The following NRG1 variants were observed in gnomAD, a reference collection of about 807,000 sequenced individuals.
The protein encoded by NRG1 is pro-neuregulin-1, membrane-bound isoform.
Under a neutral mutation model 63.8 loss-of-function variants are expected in NRG1, and 18 were observed. The observed-to-expected ratio is 0.28, with a 90% CI of 0.19 to 0.42. NRG1 has a LOEUF of 0.42. NRG1 is among the 10% of genes least tolerant of loss of function. The pLI is 1.00. For missense variants in NRG1, 762 were observed against 814.7 expected, an observed-to-expected ratio of 0.94 and a Z score of 0.79; for synonymous variants, 302 against 301.3, an observed-to-expected ratio of 1.00 and a Z score of -0.02.
At chr8:32,161,420 A>G (rs890060343) in intron 1 of NRG1, among the ~76,000 whole-genome samples, 1 of 152,216 alleles carries the variant, frequency 6.6e-6, no homozygotes, top group Non-Finnish European at 1.5e-5. Context: ...AGAGCTACTC[A>G]TAAACCTGAA....
chr8:32,640,245 T>TCTCACACA (rs141612874), intron 5 of NRG1, among the ~76,000 whole-genome samples: 27 of 147,648 alleles, frequency 1.8e-4, no homozygotes, highest in Middle Eastern at 3.5e-3. Flanking sequence ...CTTCTTTTTG[T>TCTCACACA]CACACACACA....
chr8:31,911,463 C>T (rs1288305656), intron 1 of NRG1, among the ~76,000 whole-genome samples: 2 of 152,114 alleles, frequency 1.3e-5, no homozygotes, highest in Admixed American at 6.5e-5. Flanking sequence ...AGGCCATTGA[C>T]CTTACCAAAC....
chr8:32,342,715 T>C (rs989500374), intron 1 of NRG1, among the ~76,000 whole-genome samples: 3 of 152,368 alleles, frequency 2.0e-5, no homozygotes, highest in Admixed American at 2.0e-4. Context: ...TGGTGCATAT[T>C]AGAAAGATTT....
At chr8:32,332,500 G>A (rs1009409418) in intron 1 of NRG1, among the ~76,000 whole-genome samples, 6 of 152,012 alleles carry the variant, frequency 3.9e-5, no homozygotes, top group Non-Finnish European at 7.4e-5. Context: ...CATCAATTAG[G>A]ATACACCATT....
intron 1 of NRG1, among the ~76,000 whole-genome samples, chr8:31,983,409 A>C (rs1809503350): frequency 6.6e-6 from 1 of 151,942 alleles, no homozygotes; most frequent in Non-Finnish European, 1.5e-5. Flanking sequence ...ACAGGATCTC[A>C]CTCTGTTGCC....
intron 1 of NRG1, among the ~76,000 whole-genome samples, chr8:31,782,284 CACTT>C (rs1302640366): frequency 6.6e-6 from 1 of 152,104 alleles, no homozygotes; most frequent in Non-Finnish European, 1.5e-5. Context: ...GTGCAGGTCT[CACTT>C]CCTTACTTCC....
At chr8:32,594,961 C>T (rs117475754) in intron 1 of NRG1, among the ~76,000 whole-genome samples, 328 of 152,270 alleles carry the variant, frequency 2.2e-3, no homozygotes, top group Non-Finnish European at 3.9e-3. Flanking sequence ...CTTTGGTCCC[C>T]TCTGATGACA....
intron 1 of NRG1, among the ~76,000 whole-genome samples, chr8:32,356,871 C>A (rs928419763): frequency 6.6e-6 from 1 of 152,162 alleles, no homozygotes; most frequent in African/African-American, 2.4e-5. Context: ...ACTCTTTCAA[C>A]ATCTAAGGAA....
intron 1 of NRG1, among the ~76,000 whole-genome samples, chr8:32,528,253 T>C (rs1299294078): frequency 6.6e-6 from 1 of 152,254 alleles, no homozygotes; most frequent in Non-Finnish European, 1.5e-5. Context: ...TGTTGTTATA[T>C]GTCTAGTTAC....
intron 1 of NRG1, among the ~76,000 whole-genome samples, chr8:31,989,253 C>CAAAAAAAAAAAAAAAAAAAAAAAAA (rs10692906): frequency 7.4e-4 from 35 of 47,520 alleles, no homozygotes; most frequent in East Asian, 1.7e-3. Flanking sequence ...GACTCTGTCT[C>CAAAAAAAAAAAAAAAAAAAAAAAAA]AAAAAAAAAA....
chr8:32,156,055 G>T (rs1838026813), intron 1 of NRG1, among the ~76,000 whole-genome samples: 1 of 152,112 alleles, frequency 6.6e-6, no homozygotes, highest in Non-Finnish European at 1.5e-5. Context: ...CTTTCTTCTG[G>T]TCTTAAAGAC....
chr8:32,096,487 A>T (rs1432578481), intron 1 of NRG1, among the ~76,000 whole-genome samples: 1 of 152,198 alleles, frequency 6.6e-6, no homozygotes, highest in Non-Finnish European at 1.5e-5. Context: ...ATTGTTAATT[A>T]TATGTCTTAG....
chr8:32,544,659 C>A (rs555763418), upstream of NRG1, among the ~76,000 whole-genome samples: 3 of 148,274 alleles, frequency 2.0e-5, no homozygotes, highest in African/African-American at 7.4e-5. Flanking sequence ...AGCACCACTA[C>A]ACCTGGCTAA....
chr8:31,857,714 T>G (rs2129609992), intron 1 of NRG1, among the ~76,000 whole-genome samples: 1 of 152,358 alleles, frequency 6.6e-6, no homozygotes, highest in African/African-American at 2.4e-5. Context: ...TGCTAATGAC[T>G]TACTACTTGC....
At chr8:32,464,855 G>T (rs1822854245) in intron 1 of NRG1, among the ~76,000 whole-genome samples, 1 of 152,012 alleles carries the variant, frequency 6.6e-6, no homozygotes, top group Admixed American at 6.6e-5. Context: ...GCAAGAATAA[G>T]CTCTGTCATG....
chr8:32,264,834 A>G (rs1195686800), intron 1 of NRG1, among the ~76,000 whole-genome samples: 1 of 152,172 alleles, frequency 6.6e-6, no homozygotes. Context: ...AGGATTCTGA[A>G]AGATACGGTT....
Position 32,764,451 on chromosome 8 carries a change from T to C in NRG1, c.*49T>C, listed in dbSNP as rs1244729741. 3 of 1,401,410 alleles carry C rather than the reference T, an allele frequency of 2.1e-6. No individual in the cohort carries two copies. The South Asian group carries it at 4.6e-5, about 21-fold the overall frequency. 86.8% of individuals were successfully genotyped at this position (1,401,410 alleles called of 1,614,324 possible). A position where few individuals can be genotyped will look rare whatever the true frequency, so the allele number is the denominator to read the frequency against. Reference sequence around the variant, plus strand: ...ACCTGTAAAACTTTATTTTATATAATAAAGTATTCCACCTTAAATTAAACA... The same window carrying C: ...ACCTGTAAAACTTTATTTTATATAACAAAGTATTCCACCTTAAATTAAACA... On this transcript the variant is annotated 3_prime_UTR_variant, in exon 12 of 12. Transcript: ENST00000356819.
chr8:32,303,692 T>C (rs973969741), intron 1 of NRG1, among the ~76,000 whole-genome samples: 2 of 152,330 alleles, frequency 1.3e-5, no homozygotes, highest in African/African-American at 4.8e-5. Flanking sequence ...AGGAAGAAAC[T>C]AAAGCTTTTT....
At chr8:32,707,171 C>A (rs1449703055) in intron 5 of NRG1, among the ~76,000 whole-genome samples, 2 of 151,778 alleles carry the variant, frequency 1.3e-5, no homozygotes, top group Non-Finnish European at 2.9e-5. Context: ...TAATTTGTAA[C>A]AAATTATTAG....
Sources: gnomAD v4.1 joint callset for allele counts (sites outside exome capture counted in the v4.1 genomes callset) on GRCh38, gnomAD v4.1.1 for gene constraint, MANE v1.5 for transcripts, NCBI Gene and HGNC (gene_info 2026-07-23, HGNC 2026-07-21) for gene names.